SLIT2: variants seen among roughly 807,000 people sequenced by gnomAD.
The protein encoded by SLIT2 is slit guidance ligand 2, also known as slit homolog 2 protein.
SLIT2 carries 41 observed loss-of-function variants against 185.7 expected under a neutral mutation model. That is an observed-to-expected ratio of 0.22 (90% CI 0.17 to 0.29). The LOEUF (loss-of-function observed/expected upper bound fraction) is 0.29, where lower values mean the gene tolerates loss of function less well. SLIT2 is among the 10% of genes least tolerant of loss of function. The pLI, the probability that SLIT2 is intolerant of heterozygous loss-of-function variation, is 1.00. For synonymous variants in SLIT2, 693 were observed against 680.2 expected, an observed-to-expected ratio of 1.02 and a Z score of -0.29; for missense variants, 1,571 against 1,909.0, an observed-to-expected ratio of 0.82 and a Z score of 3.30.
chr4:20,322,432 G>T (rs762353731), intron 4 of SLIT2, among the ~76,000 whole-genome samples: 34 of 152,142 alleles, frequency 2.2e-4, no homozygotes, highest in Non-Finnish European at 3.1e-4. Context: ...AGGTAGATAA[G>T]AGACAAATGG....
At chr4:20,542,748 A>T (rs145022776) in intron 21 of SLIT2, 122 bp downstream of exon 21, 2 of 1,042,926 alleles carry the variant, frequency 1.9e-6, no homozygotes, top group Non-Finnish European at 1.4e-6. Context: ...AGGCCAGTTA[A>T]TTATTATCCT....
At chr4:20,353,631 C>T (rs1374027129) in intron 4 of SLIT2, among the ~76,000 whole-genome samples, 1 of 152,098 alleles carries the variant, frequency 6.6e-6, no homozygotes, top group Non-Finnish European at 1.5e-5. Context: ...ATTTTACTTG[C>T]ACTTGGAGAA....
chr4:20,456,231 C>A (rs1713054251), intron 4 of SLIT2, among the ~76,000 whole-genome samples: 1 of 152,032 alleles, frequency 6.6e-6, no homozygotes, highest in African/African-American at 2.4e-5. Context: ...ACTTCTTAGT[C>A]CTCTAGTCAG....
In SLIT2 at chr4:20,432,807, A is replaced by G. The variant is rs76997381; in HGVS notation, c.396-34945A>G. ...GATTCATTACTTTAATTGCAAAAAT[A>G]AATCTTGAAAACATAAATGTGAGGG... On this transcript the variant is annotated intron_variant, in intron 4 of 36. Coordinates refer to ENST00000504154, the MANE Select transcript of SLIT2 (RefSeq NM_004787.4). 1.9e-4 allele frequency among the ~76,000 whole-genome samples: 29 copies of G among 152,338 alleles called. No individual in the cohort carries two copies. The East Asian group carries it at 5.6e-3, about 29-fold the overall frequency.
intron 34 of SLIT2, among the ~76,000 whole-genome samples, chr4:20,613,511 G>A (rs1023937506): frequency 6.6e-6 from 1 of 152,242 alleles, no homozygotes; most frequent in Admixed American, 6.5e-5. Context: ...AGCAGAGGGC[G>A]GAGGGTGGGA....
At chr4:20,410,222 T>G (rs1727111658) in intron 4 of SLIT2, among the ~76,000 whole-genome samples, 1 of 150,090 alleles carries the variant, frequency 6.7e-6, no homozygotes, top group African/African-American at 2.5e-5. Context: ...AAGTCTTGGT[T>G]TTTTTTCTTT....
At chr4:20,255,594 T>G (rs1283182457) in intron 1 of SLIT2, among the ~76,000 whole-genome samples, 1 of 151,590 alleles carries the variant, frequency 6.6e-6, no homozygotes, top group Non-Finnish European at 1.5e-5. Context: ...TTAGCACTTG[T>G]CATTTCATGC....
intron 4 of SLIT2, among the ~76,000 whole-genome samples, chr4:20,339,293 C>T (rs1358592986): frequency 6.6e-6 from 1 of 151,866 alleles, no homozygotes; most frequent in Non-Finnish European, 1.5e-5. Context: ...TACAATTTCT[C>T]AGTGGTCTAC....
intron 25 of SLIT2, among the ~76,000 whole-genome samples, chr4:20,551,524 T>C (rs972800143): frequency 1.3e-5 from 2 of 152,194 alleles, no homozygotes; most frequent in African/African-American, 2.4e-5. Flanking sequence ...AAAAACTCAT[T>C]TGGGTCAAAT....
chr4:20,331,166 T>C (rs1720035775), intron 4 of SLIT2, among the ~76,000 whole-genome samples: 1 of 152,148 alleles, frequency 6.6e-6, no homozygotes, highest in South Asian at 2.1e-4. Context: ...ACATGCCTTT[T>C]TGAATTTTCA....
intron 4 of SLIT2, among the ~76,000 whole-genome samples, chr4:20,327,425 A>G (rs1719684691): frequency 6.6e-6 from 1 of 152,074 alleles, no homozygotes; most frequent in African/African-American, 2.4e-5. Context: ...ATAAATAAAC[A>G]AAAATTCCAA....
chr4:20,390,771 TA>T (rs200126868), intron 4 of SLIT2, among the ~76,000 whole-genome samples: 29 of 127,820 alleles, frequency 2.3e-4, no homozygotes, highest in African/African-American at 5.6e-4. Flanking sequence ...TTTTTTTTTT[TA>T]AAAAAAAATA....
chr4:20,595,676 A>T (rs376421348), intron 30 of SLIT2, 21 bp from the exon 31 acceptor site: 1 of 1,612,626 alleles, frequency 6.2e-7, no homozygotes, highest in African/African-American at 1.3e-5. Flanking sequence ...GTTTGAAACC[A>T]TTACCTGCTT....
At chr4:20,518,177 A>T (rs13130853) in intron 11 of SLIT2, among the ~76,000 whole-genome samples, 44,475 of 140,476 alleles carry the variant, frequency 0.32, 7,889 homozygotes, top group East Asian at 0.51. Context: ...ACATATATTT[A>T]TATATATACA....
chr4:20,310,242 A>G (rs1717979561), intron 4 of SLIT2, among the ~76,000 whole-genome samples: 1 of 152,060 alleles, frequency 6.6e-6, no homozygotes, highest in African/African-American at 2.4e-5. Flanking sequence ...TTTAACTTCC[A>G]CCACGAGCTG....
chr4:20,518,258 T>A (rs80074652), intron 11 of SLIT2, among the ~76,000 whole-genome samples: 3,923 of 132,830 alleles, frequency 0.03, 230 homozygotes, highest in Admixed American at 0.068. Context: ...TATATATATT[T>A]TTTTTTTTTT....
At chr4:20,535,669 G>A (rs963619756) in intron 18 of SLIT2, among the ~76,000 whole-genome samples, 1 of 152,102 alleles carries the variant, frequency 6.6e-6, no homozygotes, top group African/African-American at 2.4e-5. Context: ...TTCTGATGAG[G>A]CCTCGCTTCT....
intron 4 of SLIT2, among the ~76,000 whole-genome samples, chr4:20,276,608 A>AAAC (rs926723135): frequency 1.8e-4 from 27 of 151,974 alleles, no homozygotes; most frequent in Admixed American, 9.8e-4. Context: ...ACAAACAAAC[A>AAAC]AAAACTTAAA....
chr4:20,252,625 G>T lies in SLIT2; in HGVS notation c.-1191G>T, dbSNP rs1024420252. Reference sequence around the variant, plus strand: ...CTGCGCCCTCCGGAACCCGGCTCTTGTTTCTTCTACCTTTGCCATCAGGTG... The same window carrying T: ...CTGCGCCCTCCGGAACCCGGCTCTTTTTTCTTCTACCTTTGCCATCAGGTG... On this transcript the variant is annotated 5_prime_UTR_variant, in exon 1 of 37. Transcript: ENST00000504154. 6.6e-6 allele frequency among the ~76,000 whole-genome samples: 1 copy of T among 152,232 alleles called. No homozygotes were observed. The highest frequency in any genetic ancestry group is 6.5e-5 in the Admixed American group (1 of 15,288).
Sources: gnomAD v4.1 joint callset for allele counts (sites outside exome capture counted in the v4.1 genomes callset) on GRCh38, gnomAD v4.1.1 for gene constraint, MANE v1.5 for transcripts, NCBI Gene and HGNC (gene_info 2026-07-23, HGNC 2026-07-21) for gene names.